Variants in SLC38A7 observed in about 807,000 individuals in gnomAD.
The protein encoded by SLC38A7 is sodium-coupled neutral amino acid transporter 7.
In SLC38A7, 29 loss-of-function variants were observed where a neutral mutation model predicts 50.1. The ratio of observed to expected loss-of-function variants is 0.58; its 90% CI spans 0.43 to 0.79. The LOEUF (loss-of-function observed/expected upper bound fraction) is 0.79. Ranked by LOEUF, SLC38A7 falls within the 30% of genes least tolerant of loss-of-function variation. SLC38A7 has a pLI of 0.00. For synonymous variants in SLC38A7, 244 were observed against 245.9 expected, an observed-to-expected ratio of 0.99 and a Z score of 0.07; for missense variants, 483 against 610.6, an observed-to-expected ratio of 0.79 and a Z score of 2.20.
chr16:58,667,170 C>T lies in SLC38A7; in HGVS notation c.*215G>A. 1.9e-6 allele frequency: 1 copy of T among 518,088 alleles called. No homozygotes were observed. The highest frequency in any genetic ancestry group is 3.2e-5 in the East Asian group (1 of 31,742). 32.1% of individuals were successfully genotyped at this position (518,088 alleles called of 1,614,324 possible). ...TCTATGATGTGAGACTTCCTGCCGC[C>T]ATCCACGGCACTGCCAGGACTGGGG... is the stretch of plus-strand genomic sequence containing the variant. On this transcript the variant is annotated 3_prime_UTR_variant, in exon 12 of 12. Coordinates refer to ENST00000219320, the MANE Select transcript of SLC38A7 (RefSeq NM_018231.3).
At position 58,678,868 on chromosome 16, in the gene SLC38A7, G is replaced by A. The variant is rs764612878; in HGVS notation, c.297C>T (p.Gly99=). ...QMGMLVFIIS[G]LVILAYCSQA... ...GGGAGCAGTAGGCCAGGATGACAAGGCCACTGATGATGAAAACCAGCATAC... is the reference window on the plus strand; with the variant it reads ...GGGAGCAGTAGGCCAGGATGACAAGACCACTGATGATGAAAACCAGCATAC... Residue 99 remains glycine (G), a synonymous_variant, in exon 4 of 12, where the codon GGC becomes GGT. Transcript: ENST00000219320. This position sits in a 1 kb window ranked among gnomAD's most constrained non-coding sequence, Gnocchi z 4.0. The A allele has an allele frequency of 6.2e-7, 1 of 1,613,856 alleles. No homozygotes were observed. The highest frequency in any genetic ancestry group is 1.7e-5 in the Admixed American group (1 of 60,016).
chr16:58,671,741 T>A, intron 9 of SLC38A7: 1 of 208,436 alleles, frequency 4.8e-6, no homozygotes, highest in Non-Finnish European at 9.7e-6. Flanking sequence ...GGCTATTTAT[T>A]TTATTTTGTG....
At chr16:58,677,278 C>T (rs377640259) in intron 6 of SLC38A7, 48 bp downstream of exon 6, 3 of 1,542,248 alleles carry the variant, frequency 1.9e-6, no homozygotes, top group Non-Finnish European at 2.7e-6. Context: ...CCTGCTGGGG[C>T]CCAAGTGGTG....
chr16:58,676,399 C>CTTGT, intron 6 of SLC38A7, 53 bp from the exon 7 acceptor site: 1 of 1,597,266 alleles, frequency 6.3e-7, no homozygotes, highest in Non-Finnish European at 8.6e-7. Context: ...AGAGCCACAA[C>CTTGT]CCACCCCACG....
chr16:58,673,328 T>A (rs1187848416), intron 8 of SLC38A7, among the ~76,000 whole-genome samples: 1 of 151,348 alleles, frequency 6.6e-6, no homozygotes, highest in African/African-American at 2.4e-5. Context: ...CTCTGCCTTC[T>A]GGTTTTAAGT....
At position 58,671,077 on chromosome 16, in the gene SLC38A7, C is replaced by T. The variant is rs891872150; in HGVS notation, c.1199G>A (p.Gly400Asp). The change falls in exon 10 of 12, where the codon GGC becomes GAC. Residue 400 changes from glycine (G) to aspartate (D), a missense_variant. By Grantham distance (94) the Gly-to-Asp change is moderately conservative (BLOSUM62 -1). Coordinates refer to ENST00000219320, the MANE Select transcript of SLC38A7 (RefSeq NM_018231.3). ...GACGAAGATGAAGCAGGCGGCCAGG[C>T]CTCCAATGACTGAGATCACCTTGCC... ...DIGKVISVIG[G>D]LAACFIFVFP... is the part of the protein sequence containing the mutation. The T allele has an allele frequency of 3.1e-6, 5 of 1,611,170 alleles. No homozygotes were observed. Among genetic ancestry groups the T allele is most frequent in the Non-Finnish European group, 4.2e-6 (5 of 1,178,958 alleles).
At chr16:58,679,652 A>C in intron 3 of SLC38A7, 1 of 609,240 alleles carries the variant, frequency 1.6e-6, no homozygotes, top group Non-Finnish European at 2.8e-6. Context: ...TTGATGTTCA[A>C]ATTTCTCTGA....
intron 10 of SLC38A7, 52 bp downstream of exon 10, chr16:58,670,993 C>A (rs972660689): frequency 6.5e-7 from 1 of 1,547,080 alleles, no homozygotes; most frequent in Non-Finnish European, 8.8e-7. Flanking sequence ...GCTAGGCAGG[C>A]CCTGGGAGTC....
At chr16:58,677,458 C>A in intron 5 of SLC38A7, 34 bp from the exon 6 acceptor site, 1 of 1,591,650 alleles carries the variant, frequency 6.3e-7, no homozygotes, top group Non-Finnish European at 8.6e-7. Flanking sequence ...GTCCTCATCC[C>A]CAGCTGCCTC....
intron 8 of SLC38A7, among the ~76,000 whole-genome samples, chr16:58,673,456 G>A (rs180719185): frequency 3.9e-5 from 6 of 151,942 alleles, no homozygotes; most frequent in African/African-American, 1.5e-4. Flanking sequence ...GGCTGGTCTC[G>A]AACTCCTGAC....
In SLC38A7 at chr16:58,680,146, C is replaced by T. The variant is rs777816448; in HGVS notation, c.-20G>A. ...GGCCATGGCCCCGAGAGCCTTCTTC[C>T]TGCAAGGTCTGTGGGTTCTGCCTTA... is the stretch of plus-strand genomic sequence containing the variant. On this transcript the variant is annotated 5_prime_UTR_variant, in exon 3 of 12. Coordinates refer to ENST00000219320, the MANE Select transcript of SLC38A7 (RefSeq NM_018231.3). 8 of 1,513,318 alleles carry T rather than the reference C, an allele frequency of 5.3e-6. No homozygotes were observed. Among genetic ancestry groups the T allele is most frequent in the Middle Eastern group, 1.8e-4 (1 of 5,580 alleles). 93.7% of individuals were successfully genotyped at this position (1,513,318 alleles called of 1,614,324 possible). A position where few individuals can be genotyped will look rare whatever the true frequency, so the allele number is the denominator to read the frequency against.
chr16:58,671,033 AG>A lies in SLC38A7; in HGVS notation c.1231+11del. ...CTGTGGGGCTGTGAGATGGGGCGCC[AG>A]GGGTCCGCACCTGGGAAGACGAAGA... On this transcript the variant is annotated intron_variant, in intron 10 of 11. Coordinates refer to ENST00000219320, the MANE Select transcript of SLC38A7 (RefSeq NM_018231.3). 1 of 1,575,432 alleles carries A rather than the reference AG, an allele frequency of 6.3e-7. No individual in the cohort carries two copies. Among genetic ancestry groups the A allele is most frequent in the Non-Finnish European group, 8.6e-7 (1 of 1,161,578 alleles).
At chr16:58,672,027 G>A in intron 9 of SLC38A7, 69 bp downstream of exon 9, 6 of 1,212,290 alleles carry the variant, frequency 4.9e-6, no homozygotes, top group Non-Finnish European at 6.7e-6. Context: ...GTCCACACAA[G>A]GCCAAAGGAC....
chr16:58,671,007 G>A (rs1240376945), intron 10 of SLC38A7, 38 bp downstream of exon 10: 2 of 1,555,490 alleles, frequency 1.3e-6, no homozygotes, highest in Non-Finnish European at 1.7e-6. Context: ...GGGAGTCTGT[G>A]CTGTGGGGCT....
rs543684041 is a variant in SLC38A7, at chr16:58,677,333, G to A, written c.703C>T (p.Leu235=). 133 of 1,613,950 alleles carry A rather than the reference G, an allele frequency of 8.2e-5. 2 individuals are homozygous for A. The South Asian group carries it at 1.4e-3, about 17-fold the overall frequency. Residue 235 remains leucine, a synonymous_variant, in exon 6 of 12, where the codon CTG becomes TTG. Transcript: ENST00000219320. ...TAGGGCCCTCACCCTCACCTGGTCA[G>A]GATGTTCCCTGGGGTCATCTCTTTA... ...PDKEMTPGNI[L]TRPASWMAVF...
intron 3 of SLC38A7, 68 bp downstream of exon 3, chr16:58,679,789 G>C (rs148672703): frequency 6.2e-6 from 10 of 1,601,128 alleles, no homozygotes; most frequent in Non-Finnish European, 7.6e-6. Context: ...TCCCTGACCC[G>C]AAGCCTCCCT....
rs750889943 is a variant in SLC38A7, at chr16:58,678,897, G to A, written c.271-3C>T. 1 of 1,611,308 alleles carries A rather than the reference G, an allele frequency of 6.2e-7. No individual in the cohort carries two copies. The highest frequency in any genetic ancestry group is 1.7e-5 in the Admixed American group (1 of 59,990). On this transcript the variant is annotated splice_polypyrimidine_tract_variant and splice_region_variant and intron_variant, in intron 3 of 11. Coordinates refer to ENST00000219320, the MANE Select transcript of SLC38A7 (RefSeq NM_018231.3). This position sits in a 1 kb window ranked among gnomAD's most constrained non-coding sequence, Gnocchi z 4.0. ...CTGATGATGAAAACCAGCATACCCT[G>A]CAGGCAGAGGCAGAACAAGAGCTTG...
Position 58,665,755 on chromosome 16 carries a change from G to A in SLC38A7, c.*1630C>T, listed in dbSNP as rs2152072464. ...GGGAATATAGTGGGGAGTAGGGTGGGAGGTGGGGAGATAGCCTATCTCTTC... is the reference window on the plus strand; with the variant it reads ...GGGAATATAGTGGGGAGTAGGGTGGAAGGTGGGGAGATAGCCTATCTCTTC... On this transcript the variant is annotated 3_prime_UTR_variant, in exon 12 of 12. Transcript: ENST00000219320. 1 of 152,266 alleles carries A rather than the reference G, an allele frequency of 6.6e-6. No homozygotes were observed. Among genetic ancestry groups the A allele is most frequent in the East Asian group, 1.9e-4 (1 of 5,166 alleles). 9.4% of individuals were successfully genotyped at this position (152,266 alleles called of 1,614,324 possible). A position where few individuals can be genotyped will look rare whatever the true frequency, so the allele number is the denominator to read the frequency against.
chr16:58,673,681 T>A (rs202126570), intron 8 of SLC38A7, among the ~76,000 whole-genome samples: 28 of 149,094 alleles, frequency 1.9e-4, no homozygotes, highest in East Asian at 6.1e-4. Flanking sequence ...TTTTTTTTTT[T>A]AAAGACAGGA....
Sources: allele counts gnomAD v4.1 joint callset (sites outside exome capture counted in the v4.1 genomes callset), GRCh38; gene constraint gnomAD v4.1.1; non-coding constraint Gnocchi (gnomAD v3.1); transcripts MANE v1.5; gene names NCBI Gene and HGNC (gene_info 2026-07-23, HGNC 2026-07-21).